Variants in ABCA12 observed in about 807,000 individuals in gnomAD.
ABCA12 encodes the protein glucosylceramide transporter ABCA12.
ABCA12 carries 156 observed loss-of-function variants against 293.5 expected under a neutral mutation model. The ratio of observed to expected loss-of-function variants is 0.53; its 90% confidence interval spans 0.47 to 0.61. The LOEUF is 0.61. Among genes scored for constraint, ABCA12 ranks in the 20% least tolerant of loss-of-function variants. The pLI, the probability that ABCA12 is intolerant of heterozygous loss-of-function variation, is 0.00. For synonymous variants in ABCA12, 1,063 were observed against 1,108.0 expected (o/e 0.96, Z 0.81); for missense variants, 2,797 against 3,090.2 (o/e 0.91, Z 2.25).
intron 23 of ABCA12, among the ~76,000 whole-genome samples, chr2:214,991,401 G>C (rs1441223356): frequency 6.6e-6 from 1 of 152,094 alleles, no homozygotes; most frequent in African/African-American, 2.4e-5. Context: ...ATTTATGCAG[G>C]CATGAGCATT....
intron 7 of ABCA12, among the ~76,000 whole-genome samples, chr2:215,043,789 A>T (rs542787616): frequency 6.6e-6 from 1 of 152,244 alleles, no homozygotes; most frequent in East Asian, 1.9e-4. Flanking sequence ...TTAAGATACA[A>T]ACATTTCAAT....
At position 214,943,017 on chromosome 2, in the gene ABCA12, G is replaced by T; in HGVS notation, c.7344C>A (p.Ser2448Arg). ...TACAGAGAGCTTCACATTCTTCCAT[G>T]CTAAAAGACAAAGCAGGATCATATT... is the stretch of plus-strand genomic sequence containing the variant. ...NKCSVILTSH[S>R]MEECEALCTR... is the part of the protein sequence containing the mutation. Residue 2448 changes from serine (S) to arginine (R), a missense_variant and splice_region_variant, in exon 50 of 53, where the codon AGC (serine) becomes AGA (arginine). Ser to Arg is a moderately radical substitution (Grantham distance 110). Transcript: ENST00000272895. 6.2e-7 allele frequency: 1 copy of T among 1,612,262 alleles called. No individual in the cohort carries two copies. Among genetic ancestry groups the T allele is most frequent in the Non-Finnish European group, 8.5e-7 (1 of 1,179,158 alleles).
intron 34 of ABCA12, 111 bp downstream of exon 34, chr2:214,975,674 C>T (rs1040729228): frequency 1.4e-6 from 2 of 1,423,522 alleles, no homozygotes; most frequent in African/African-American, 1.4e-5. Context: ...GAATCAGGTA[C>T]CATGGCTTCT....
At chr2:215,060,252 T>C (rs1176678488) in intron 3 of ABCA12, among the ~76,000 whole-genome samples, 1 of 152,184 alleles carries the variant, frequency 6.6e-6, no homozygotes, top group African/African-American at 2.4e-5. Flanking sequence ...TGTAAGTTTA[T>C]ATAGGGCAAG....
chr2:215,000,673 T>A, intron 22 of ABCA12, 32 bp downstream of exon 22: 1 of 1,612,382 alleles, frequency 6.2e-7, no homozygotes, highest in Non-Finnish European at 8.5e-7. Context: ...AAGTTGTTGA[T>A]CATTAAAAAG....
rs550921850 is a variant in ABCA12 at position 214,988,976 on chromosome 2, C to T, written c.3829+353G>A. ...GGCAGATGACTTGAGATCAGAAGCT[C>T]GAGAGCAGCCTGGCTAACATGGTGA... is the stretch of plus-strand genomic sequence containing the variant. On this transcript the variant is annotated intron_variant, in intron 26 of 52. Transcript: ENST00000272895. Among the ~76,000 whole-genome samples, 9 of 150,660 alleles carry T rather than the reference C, an allele frequency of 6.0e-5. No homozygotes were observed. In the South Asian group the frequency reaches 6.3e-4, roughly 11 times the overall value.
chr2:215,051,524 T>C (rs1701319656), intron 5 of ABCA12, among the ~76,000 whole-genome samples: 1 of 151,984 alleles, frequency 6.6e-6, no homozygotes. Flanking sequence ...GTTACTGGAA[T>C]GTTAATAAAT....
In ABCA12 at chr2:214,932,752, A is replaced by C. The variant is rs1364445506; in HGVS notation, c.7681-11T>G. The stretch of plus-strand genomic sequence containing the variant: ...AAAGTTGATGAAAACCTGATTTTTC[A>C]GGGAAAATAAAGCCATTAATGCCTG... On this transcript the variant is annotated splice_polypyrimidine_tract_variant and intron_variant, in intron 52 of 52. Coordinates refer to ENST00000272895, the MANE Select transcript of ABCA12 (RefSeq NM_173076.3). The C allele has an allele frequency of 1.9e-6, 3 of 1,603,834 alleles. No homozygotes were observed. Among genetic ancestry groups the C allele is most frequent in the Non-Finnish European group, 2.6e-6 (3 of 1,170,936 alleles).
chr2:215,128,348 A>T (rs969926191), intron 1 of ABCA12, among the ~76,000 whole-genome samples: 3 of 152,224 alleles, frequency 2.0e-5, no homozygotes, highest in African/African-American at 7.2e-5. Context: ...CTAGGTCTCT[A>T]GCAAGGCTGG....
rs778120394 is a variant in ABCA12, at chr2:215,036,928, A to T, written c.985+25T>A. 4 of 1,595,252 alleles carry T rather than the reference A, an allele frequency of 2.5e-6. No homozygotes were observed. The South Asian group carries it at 4.4e-5, about 18-fold the overall frequency. The stretch of plus-strand genomic sequence containing the variant: ...AATGGGCTTTGTGACACTGAATTTA[A>T]CACAGTAAGATGGAAATATAATACC... On this transcript the variant is annotated intron_variant, in intron 8 of 52. Transcript: ENST00000272895.
intron 5 of ABCA12, among the ~76,000 whole-genome samples, chr2:215,052,058 G>A (rs76898042): frequency 0.035 from 5,351 of 152,072 alleles, 301 homozygotes; most frequent in African/African-American, 0.12. Flanking sequence ...TCTAAAATAC[G>A]CTAAGAAAAA....
rs576973205 is a variant in ABCA12, at chr2:215,119,040, G to A, written c.70-7350C>T. ...GCCCAGGGTAGAGTGGTACGATCTC[G>A]GCTCACTGCAACCTCCACCTTCCAG... is the stretch of plus-strand genomic sequence containing the variant. On this transcript the variant is annotated intron_variant, in intron 1 of 52. Transcript: ENST00000272895. Among the ~76,000 whole-genome samples, 6 of 151,978 alleles carry A rather than the reference G, an allele frequency of 3.9e-5. No individual in the cohort carries two copies. In the South Asian group the frequency reaches 6.2e-4, roughly 16 times the overall value.
chr2:215,015,344 G>A (rs116453252), intron 15 of ABCA12, 146 bp downstream of exon 15: 16,601 of 798,570 alleles, frequency 0.021, 236 homozygotes, highest in Non-Finnish European at 0.025. Context: ...GATCTCTAAG[G>A]TTGCATTTAG....
At chr2:215,091,891 C>T (rs1413365649) in intron 2 of ABCA12, among the ~76,000 whole-genome samples, 5 of 152,188 alleles carry the variant, frequency 3.3e-5, no homozygotes, top group African/African-American at 4.8e-5. Context: ...GCCACTGGGC[C>T]AAGGAATGCC....
intron 28 of ABCA12, among the ~76,000 whole-genome samples, chr2:214,986,076 A>AT (rs1699779055): frequency 6.6e-6 from 1 of 152,200 alleles, no homozygotes; most frequent in South Asian, 2.1e-4. Context: ...AAGTGTGTTT[A>AT]TATCAGGATG....
intron 42 of ABCA12, among the ~76,000 whole-genome samples, chr2:214,956,004 T>A (rs942361591): frequency 2.0e-5 from 3 of 152,216 alleles, no homozygotes; most frequent in Non-Finnish European, 4.4e-5. Flanking sequence ...ACTGTTCAAG[T>A]CTAGCTGAGC....
At chr2:214,997,894 C>G in intron 22 of ABCA12, 85 bp from the exon 23 acceptor site, 1 of 819,924 alleles carries the variant, frequency 1.2e-6, no homozygotes, top group Non-Finnish European at 2.1e-6. Flanking sequence ...AGAACTCACT[C>G]TCTCTTACAT....
intron 7 of ABCA12, chr2:215,042,251 GT>G (rs1363371116): frequency 4.6e-5 from 7 of 152,026 alleles, no homozygotes; most frequent in Non-Finnish European, 1.0e-4. Flanking sequence ...TTTTATGTTT[GT>G]TTGGGATAGA....
intron 1 of ABCA12, among the ~76,000 whole-genome samples, chr2:215,113,765 T>C (rs931086078): frequency 6.6e-6 from 1 of 152,236 alleles, no homozygotes; most frequent in South Asian, 2.1e-4. Flanking sequence ...CCATTAATGA[T>C]GAATATAGGC....
Sources: gnomAD v4.1 joint callset for allele counts (sites outside exome capture counted in the v4.1 genomes callset) on GRCh38, gnomAD v4.1.1 for gene constraint, MANE v1.5 for transcripts, NCBI Gene and HGNC (gene_info 2026-07-23, HGNC 2026-07-21) for gene names.